Variants in RPTOR observed in about 807,000 individuals in gnomAD.
RPTOR encodes the protein regulatory associated protein of MTOR complex 1.
RPTOR carries 21 observed loss-of-function variants against 169.9 expected under a neutral mutation model. The ratio of observed to expected loss-of-function variants is 0.12; its 90% CI spans 0.09 to 0.18. The LOEUF (loss-of-function observed/expected upper bound fraction) is 0.18, where lower values mean the gene tolerates loss of function less well. Ranked by LOEUF, RPTOR falls within the 10% of genes least tolerant of loss-of-function variation. RPTOR has a pLI of 1.00. For synonymous variants in RPTOR, 732 were observed against 753.2 expected, an observed-to-expected ratio of 0.97 and a Z score of 0.46; for missense variants, 1,133 against 1,855.9, an observed-to-expected ratio of 0.61 and a Z score of 7.16.
At chr17:80,642,175 C>T (rs986485158) in intron 2 of RPTOR, among the ~76,000 whole-genome samples, 1 of 151,520 alleles carries the variant, frequency 6.6e-6, no homozygotes, top group South Asian at 2.1e-4. Flanking sequence ...CTCACTCTGT[C>T]GCCCAGGCTG....
intron 1 of RPTOR, among the ~76,000 whole-genome samples, chr17:80,573,112 T>A (rs971885506): frequency 1.2e-4 from 18 of 152,192 alleles, no homozygotes; most frequent in African/African-American, 4.3e-4. Context: ...TGGGACTTGC[T>A]GTTTATCCCA....
At chr17:80,894,322 A>G (rs1038331600) in intron 20 of RPTOR, among the ~76,000 whole-genome samples, 1 of 152,146 alleles carries the variant, frequency 6.6e-6, no homozygotes, top group African/African-American at 2.4e-5. Context: ...GGTGCCCAGG[A>G]CAGCCCCCAC....
chr17:80,640,874 T>C (rs905684358), intron 2 of RPTOR, among the ~76,000 whole-genome samples: 3 of 152,200 alleles, frequency 2.0e-5, no homozygotes, highest in Non-Finnish European at 4.4e-5. Context: ...TCGTGATGCA[T>C]GGACAGTTTT....
At position 80,707,773 on chromosome 17, in the gene RPTOR, G is replaced by A. The variant is rs2066152747; in HGVS notation, c.349-68G>A. 2 of 1,476,468 alleles carry A rather than the reference G, an allele frequency of 1.4e-6. No homozygotes were observed. The highest frequency in any genetic ancestry group is 2.3e-5 in the East Asian group (1 of 43,702). 91.5% of individuals were successfully genotyped at this position (1,476,468 alleles called of 1,614,324 possible). ...ATTAACTGCAAACCCAGAGGAAAGG[G>A]TAGGGGATGAGTTCCAAGCATTCCC... On this transcript the variant is annotated intron_variant, in intron 3 of 33. Transcript: ENST00000306801. This position sits in a 1 kb window ranked among gnomAD's most constrained non-coding sequence, Gnocchi z 5.0.
intron 3 of RPTOR, among the ~76,000 whole-genome samples, chr17:80,660,977 G>C (rs2065719046): frequency 1.3e-5 from 2 of 152,280 alleles, no homozygotes; most frequent in South Asian, 4.1e-4. Flanking sequence ...AGCTGCCCTT[G>C]GGGGTTTTCC....
intron 3 of RPTOR, among the ~76,000 whole-genome samples, chr17:80,652,569 A>G (rs984336532): frequency 1.3e-5 from 2 of 152,238 alleles, no homozygotes; most frequent in Admixed American, 6.5e-5. Flanking sequence ...GCTTCAAGTG[A>G]TCATCCTGCT....
chr17:80,572,615 C>T (rs1249441433), intron 1 of RPTOR, among the ~76,000 whole-genome samples: 2 of 152,114 alleles, frequency 1.3e-5, no homozygotes, highest in Non-Finnish European at 2.9e-5. Flanking sequence ...GTCTCAGCTA[C>T]TTGGGAGGCT....
intron 3 of RPTOR, among the ~76,000 whole-genome samples, chr17:80,662,484 TG>T (rs950104512): frequency 1.3e-5 from 2 of 150,306 alleles, no homozygotes; most frequent in South Asian, 2.1e-4. Context: ...GCTGATTGGT[TG>T]GGGGGTGAAG....
intron 8 of RPTOR, among the ~76,000 whole-genome samples, chr17:80,822,564 G>A (rs1229241497): frequency 2.0e-5 from 3 of 152,224 alleles, no homozygotes; most frequent in African/African-American, 4.8e-5. Flanking sequence ...CCCTTACTGC[G>A]CACCGGCGGC....
intron 4 of RPTOR, among the ~76,000 whole-genome samples, chr17:80,717,562 A>G (rs1598252123): frequency 6.6e-6 from 1 of 152,174 alleles, no homozygotes; most frequent in African/African-American, 2.4e-5. Flanking sequence ...CCAGATCTAG[A>G]CAGCCATAAG....
chr17:80,927,866 C>A lies in RPTOR; in HGVS notation c.2919+2386C>A, dbSNP rs537357599. ...TCCTCCATTTGCACATCTGAGAATT[C>A]CCGCCCGCACGGAGGAGCTGGAGGG... On this transcript the variant is annotated intron_variant, in intron 24 of 33. Transcript: ENST00000306801. Among the ~76,000 whole-genome samples, 7 of 152,058 alleles carry A rather than the reference C, an allele frequency of 4.6e-5. No individual in the cohort carries two copies. In the East Asian group the frequency reaches 1.4e-3, roughly 29 times the overall value.
chr17:80,672,859 C>T (rs2065832856), intron 3 of RPTOR, among the ~76,000 whole-genome samples: 1 of 152,096 alleles, frequency 6.6e-6, no homozygotes, highest in Admixed American at 6.6e-5. Context: ...AATGACGATA[C>T]CACCCATTTA....
intron 7 of RPTOR, among the ~76,000 whole-genome samples, chr17:80,810,603 G>C (rs1426927541): frequency 1.3e-5 from 2 of 152,098 alleles, no homozygotes; most frequent in African/African-American, 4.8e-5. Flanking sequence ...TGTCAAAATG[G>C]TTTTGGCTAC....
intron 2 of RPTOR, among the ~76,000 whole-genome samples, chr17:80,636,246 C>T (rs1255236372): frequency 6.6e-6 from 1 of 152,024 alleles, no homozygotes; most frequent in Non-Finnish European, 1.5e-5. Context: ...ACCTCCGCCG[C>T]CCCAACTCTA....
Position 80,905,780 on chromosome 17 carries a change from C to T in RPTOR, c.2402-3031C>T, listed in dbSNP as rs1055479296. ...AGGCTTGAGCAGCCACCAGCCTGCA[C>T]CCTCCTCGCAGTCTGCCAGGGCCGC... On this transcript the variant is annotated intron_variant, in intron 20 of 33. Transcript: ENST00000306801. Among the ~76,000 whole-genome samples the T allele has an allele frequency of 3.9e-5, 6 of 152,196 alleles. No individual in the cohort carries two copies. The South Asian group carries it at 6.2e-4, about 16-fold the overall frequency.
intron 7 of RPTOR, among the ~76,000 whole-genome samples, chr17:80,807,658 C>T (rs933827831): frequency 3.4e-5 from 5 of 148,998 alleles, no homozygotes; most frequent in African/African-American, 9.8e-5. Context: ...GGCCAAGCCC[C>T]TTTTTTTTTT....
At chr17:80,922,647 C>A in intron 21 of RPTOR, 77 bp from the exon 22 acceptor site, 2 of 1,219,570 alleles carry the variant, frequency 1.6e-6, no homozygotes, top group Non-Finnish European at 2.3e-6. Flanking sequence ...CGGCTCCACG[C>A]CAGCCTCTGC....
In RPTOR at chr17:80,562,947, T is replaced by C. The variant is rs2084519242; in HGVS notation, c.162+17156T>C. Among the ~76,000 whole-genome samples, 1 of 152,258 alleles carries C rather than the reference T, an allele frequency of 6.6e-6. No individual in the cohort carries two copies. ...TAGGTGTGACCGTCGCCTGCCTTGC[T>C]GCCGATGTCCTGAAGATGCTTCATG... On this transcript the variant is annotated intron_variant, in intron 1 of 33. Transcript: ENST00000306801. The surrounding 1 kb of genome is among the most constrained non-coding windows in gnomAD (Gnocchi z 4.4).
Position 80,708,819 on chromosome 17 carries a change from T to C in RPTOR, c.507+820T>C, listed in dbSNP as rs2066162231. On this transcript the variant is annotated intron_variant, in intron 4 of 33. Coordinates refer to ENST00000306801, the MANE Select transcript of RPTOR (RefSeq NM_020761.3). The surrounding 1 kb of genome is among the most constrained non-coding windows in gnomAD (Gnocchi z 4.2). ...AGGGTGCGGTGGCCCCATATGTGCC[T>C]GAGCGTGTCTATGAGGGCACTGATT... 1 of 479,908 alleles carries C rather than the reference T, an allele frequency of 2.1e-6. No individual in the cohort carries two copies. The highest frequency in any genetic ancestry group is 2.7e-6 in the Non-Finnish European group (1 of 367,984). 29.7% of individuals were successfully genotyped at this position (479,908 alleles called of 1,614,324 possible). A position where few individuals can be genotyped will look rare whatever the true frequency, so the allele number is the denominator to read the frequency against.
Sources: allele counts gnomAD v4.1 joint callset (sites outside exome capture counted in the v4.1 genomes callset), GRCh38; gene constraint gnomAD v4.1.1; non-coding constraint Gnocchi (gnomAD v3.1); transcripts MANE v1.5; gene names NCBI Gene and HGNC (gene_info 2026-07-23, HGNC 2026-07-21).